The following ARHGAP15 variants were observed in gnomAD, a reference collection of about 807,000 sequenced individuals.
ARHGAP15 encodes Rho GTPase activating protein 15.
ARHGAP15 carries 51 observed loss-of-function variants against 63.7 expected under a neutral mutation model. The observed-to-expected ratio is 0.80, with a 90% CI of 0.64 to 1.01. The LOEUF (loss-of-function observed/expected upper bound fraction) is 1.01, where lower values mean the gene tolerates loss of function less well. Ranked by LOEUF, ARHGAP15 falls within the 50% of genes least tolerant of loss-of-function variation. The pLI, the probability that ARHGAP15 is intolerant of heterozygous loss-of-function variation, is 0.00. For synonymous variants in ARHGAP15, 191 were observed against 193.8 expected (o/e 0.99, Z 0.12); for missense variants, 560 against 564.6 (o/e 0.99, Z 0.08).
At chr2:143,327,735 A>C (rs549401018) in intron 6 of ARHGAP15, among the ~76,000 whole-genome samples, 1 of 152,350 alleles carries the variant, frequency 6.6e-6, no homozygotes, top group African/African-American at 2.4e-5. Context: ...AGCAATGGCA[A>C]CAAAAGCCAA....
At position 143,768,142 on chromosome 2, in the gene ARHGAP15, C is replaced by T. The variant is rs1433756011; in HGVS notation, c.1398C>T (p.Tyr466=). The T allele has an allele frequency of 6.2e-7, 1 of 1,613,634 alleles. No homozygotes were observed. The highest frequency in any genetic ancestry group is 8.5e-7 in the Non-Finnish European group (1 of 1,179,684). The part of the protein sequence containing the change: ...NQIAELMLSE[Y]SKIFGSEED ...TAGCTGAGCTCATGCTGAGTGAGTA[C>T]AGTAAGATCTTCGGCTCAGAGGAAG... The change falls in exon 14 of 14, where the codon TAC becomes TAT. Residue 466 remains tyrosine (Y), a synonymous_variant. Transcript: ENST00000295095.
chr2:143,615,262 A>G (rs17774111), intron 11 of ARHGAP15, among the ~76,000 whole-genome samples: 33,524 of 152,160 alleles, frequency 0.22, 4,419 homozygotes, highest in Non-Finnish European at 0.31. Context: ...GAATGAGAGT[A>G]GCAATATCTT....
intron 6 of ARHGAP15, among the ~76,000 whole-genome samples, chr2:143,396,576 T>C (rs1417683885): frequency 6.6e-6 from 1 of 151,488 alleles, no homozygotes. Context: ...GTTTTTTAAG[T>C]ACGCTCCATA....
intron 6 of ARHGAP15, among the ~76,000 whole-genome samples, chr2:143,422,472 G>A (rs181428455): frequency 1.3e-5 from 2 of 152,246 alleles, no homozygotes; most frequent in South Asian, 2.1e-4. Flanking sequence ...GATAATATTG[G>A]AAGGAAGTGT....
At chr2:143,677,727 G>C (rs1682896477) in intron 12 of ARHGAP15, among the ~76,000 whole-genome samples, 1 of 152,212 alleles carries the variant, frequency 6.6e-6, no homozygotes, top group African/African-American at 2.4e-5. Flanking sequence ...ATATAATGAA[G>C]TTATTGAGTA....
At chr2:143,370,154 A>T (rs1054599168) in intron 6 of ARHGAP15, among the ~76,000 whole-genome samples, 3 of 152,208 alleles carry the variant, frequency 2.0e-5, no homozygotes, top group Admixed American at 6.5e-5. Context: ...ACAAACCTTA[A>T]CAAACAGGAC....
intron 6 of ARHGAP15, among the ~76,000 whole-genome samples, chr2:143,262,561 C>CTTTTTTTTTTTTTTTTTT (rs1553456078): frequency 8.1e-4 from 57 of 70,684 alleles, no homozygotes; most frequent in African/African-American, 2.4e-3. Context: ...TTTTTTTTTA[C>CTTTTTTTTTTTTTTTTTT]TTTGTCACGC....
At chr2:143,379,194 G>T (rs1686946068) in intron 6 of ARHGAP15, among the ~76,000 whole-genome samples, 1 of 151,898 alleles carries the variant, frequency 6.6e-6, no homozygotes, top group Admixed American at 6.6e-5. Context: ...CTAAAAATGG[G>T]AGTGAAGGTT....
chr2:143,134,632 C>CTTTTTTT (rs139259059), intron 1 of ARHGAP15, among the ~76,000 whole-genome samples: 2 of 119,446 alleles, frequency 1.7e-5, no homozygotes, highest in South Asian at 2.5e-4. Context: ...TATTCCTTTT[C>CTTTTTTT]TTTTTTTTTT....
chr2:143,317,590 A>G (rs776569269), intron 6 of ARHGAP15, among the ~76,000 whole-genome samples: 6 of 152,250 alleles, frequency 3.9e-5, no homozygotes, highest in Non-Finnish European at 7.3e-5. Context: ...TGCGTGAAAC[A>G]GCATACCTGT....
At chr2:143,696,336 A>G (rs1055220218) in intron 12 of ARHGAP15, among the ~76,000 whole-genome samples, 2 of 150,906 alleles carry the variant, frequency 1.3e-5, no homozygotes, top group African/African-American at 4.8e-5. Flanking sequence ...ACAGGCCTGA[A>G]TAAATAGGGT....
intron 6 of ARHGAP15, among the ~76,000 whole-genome samples, chr2:143,316,515 T>TATATATTAAAATATATATAAC (rs1211348605): frequency 3.4e-5 from 5 of 145,314 alleles, no homozygotes; most frequent in Admixed American, 1.4e-4. Context: ...AATATATACA[T>TATATATTAAAATATATATAAC]ATATATTAAA....
In ARHGAP15 at chr2:143,167,798, G is replaced by T. The variant is rs543448202; in HGVS notation, c.165+12143G>T. Reference sequence around the variant, plus strand: ...AGTGGTGGCTCCACCCAGGCAATATGACCAGAGGTACTTTTTATTTGGTTG... The same window carrying T: ...AGTGGTGGCTCCACCCAGGCAATATTACCAGAGGTACTTTTTATTTGGTTG... On this transcript the variant is annotated intron_variant, in intron 2 of 13. Transcript: ENST00000295095. Among the ~76,000 whole-genome samples, 7 of 152,232 alleles carry T rather than the reference G, an allele frequency of 4.6e-5. No individual in the cohort carries two copies. In the South Asian group the frequency reaches 1.5e-3, roughly 32 times the overall value.
intron 6 of ARHGAP15, among the ~76,000 whole-genome samples, chr2:143,324,267 C>T (rs558948461): frequency 1.3e-5 from 2 of 152,078 alleles, no homozygotes; most frequent in Middle Eastern, 3.2e-3. Context: ...ATTTTTTTTA[C>T]ATTTTGTTTT....
chr2:143,766,426 G>C (rs980934287), intron 13 of ARHGAP15, among the ~76,000 whole-genome samples: 2 of 152,084 alleles, frequency 1.3e-5, no homozygotes, highest in African/African-American at 4.8e-5. Context: ...TGTGTTTGAG[G>C]ATTCCTTATT....
intron 2 of ARHGAP15, among the ~76,000 whole-genome samples, chr2:143,188,710 T>C (rs1032667568): frequency 6.6e-6 from 1 of 151,824 alleles, no homozygotes; most frequent in Non-Finnish European, 1.5e-5. Context: ...AACCTCTGCC[T>C]CCCAGGTTCA....
chr2:143,362,772 C>T (rs868825330), intron 6 of ARHGAP15, among the ~76,000 whole-genome samples: 1 of 152,126 alleles, frequency 6.6e-6, no homozygotes, highest in African/African-American at 2.4e-5. Flanking sequence ...TTCGTGACTC[C>T]TATCTGAACA....
chr2:143,349,726 G>A (rs764396213), intron 6 of ARHGAP15, among the ~76,000 whole-genome samples: 8 of 152,158 alleles, frequency 5.3e-5, no homozygotes, highest in Non-Finnish European at 8.8e-5. Flanking sequence ...TCCAGAGTCC[G>A]AGTGTAAAGC....
At chr2:143,288,985 C>G (rs968776835) in intron 6 of ARHGAP15, among the ~76,000 whole-genome samples, 1 of 151,998 alleles carries the variant, frequency 6.6e-6, no homozygotes, top group African/African-American at 2.4e-5. Context: ...TTGCACAAAA[C>G]AGCATCAAGC....
Sources: gnomAD v4.1 joint callset for allele counts (sites outside exome capture counted in the v4.1 genomes callset) on GRCh38, gnomAD v4.1.1 for gene constraint, MANE v1.5 for transcripts, NCBI Gene and HGNC (gene_info 2026-07-23, HGNC 2026-07-21) for gene names.